APP: variants seen among roughly 807,000 people sequenced by gnomAD.
APP encodes the protein amyloid beta precursor protein.
In APP, 31 loss-of-function variants were observed where a neutral mutation model predicts 101.4. That is an observed-to-expected ratio of 0.31 (90% CI 0.23 to 0.41). APP has a LOEUF of 0.41. APP is among the 10% of genes least tolerant of loss of function. The pLI is 1.00. For missense variants in APP, 839 were observed against 1,003.7 expected, an observed-to-expected ratio of 0.84 and a Z score of 2.22; for synonymous variants, 366 against 364.4, an observed-to-expected ratio of 1.00 and a Z score of -0.05.
At chr21:25,890,212 T>C (rs1486048857) in intron 17 of APP, among the ~76,000 whole-genome samples, 1 of 152,212 alleles carries the variant, frequency 6.6e-6, no homozygotes, top group East Asian at 1.9e-4. Flanking sequence ...ACACTGCTCA[T>C]CCACGTCAGT....
intron 8 of APP, among the ~76,000 whole-genome samples, chr21:25,983,043 T>C (rs2042498715): frequency 6.6e-6 from 1 of 152,248 alleles, no homozygotes; most frequent in Admixed American, 6.5e-5. Context: ...AACACATTTT[T>C]GAATCACAAA....
At position 26,170,647 on chromosome 21, in the gene APP, C is replaced by T; in HGVS notation, c.-27G>A. On this transcript the variant is annotated 5_prime_UTR_variant, in exon 1 of 18. Transcript: ENST00000346798. ...GCGACCCTGCGCGGGGCACCGAGTG[C>T]GCTGCTGTGCGAGTGGGATCCGCCG... 6.5e-7 allele frequency: 1 copy of T among 1,528,342 alleles called. No homozygotes were observed. The highest frequency in any genetic ancestry group is 8.7e-7 in the Non-Finnish European group (1 of 1,142,908). The allele number at this position is 1,528,342 out of a possible 1,614,324, so 94.7% of individuals were successfully genotyped here.
chr21:26,154,088 CA>C (rs1054757199), intron 1 of APP, among the ~76,000 whole-genome samples: 1 of 152,182 alleles, frequency 6.6e-6, no homozygotes, highest in South Asian at 2.1e-4. Flanking sequence ...AACTATTTTA[CA>C]TGCCAGGAAT....
chr21:26,000,185 A>C lies in APP; in HGVS notation c.866-3T>G, dbSNP rs2043232394. The C allele has an allele frequency of 1.9e-6, 3 of 1,614,196 alleles. No individual in the cohort carries two copies. The highest frequency in any genetic ancestry group is 2.5e-6 in the Non-Finnish European group (3 of 1,180,004). On this transcript the variant is annotated splice_region_variant and splice_polypyrimidine_tract_variant and intron_variant, in intron 6 of 17. Transcript: ENST00000346798. ...CTCGGCTTGTTCAGAGCACACCTCTAATCAGAGGAGATGTGGGGAACCACA... is the reference window on the plus strand; with the variant it reads ...CTCGGCTTGTTCAGAGCACACCTCTCATCAGAGGAGATGTGGGGAACCACA...
intron 6 of APP, among the ~76,000 whole-genome samples, chr21:26,012,975 CAACAAAACAAAACAAAACAAAACAA>C (rs146168082): frequency 4.1e-5 from 6 of 147,714 alleles, no homozygotes; most frequent in East Asian, 2.0e-4. Context: ...GACTCCATGT[CAACAAAACAAAACAAAACAAAACAA>C]AACAAAACAA....
At chr21:25,897,072 C>T (rs1006404670) in intron 16 of APP, among the ~76,000 whole-genome samples, 2 of 152,226 alleles carry the variant, frequency 1.3e-5, no homozygotes, top group South Asian at 4.1e-4. Flanking sequence ...AGTCCCGAGT[C>T]ATGCACGAAC....
rs544242846 is a variant in APP, at chr21:25,890,710, G to A, written c.2211+1012C>T. 8.4e-4 allele frequency among the ~76,000 whole-genome samples: 106 copies of A among 125,936 alleles called. 5 individuals are homozygous for A. The South Asian group carries it at 0.016, about 19-fold the overall frequency. 82.6% of individuals were successfully genotyped at this position (125,936 alleles called of 152,430 possible). Reference sequence around the variant, plus strand: ...GCCAAGATCCAGCCTGGGCAACAGCGCGAGACTGTCTCAAAAAAAAAAAAA... The same window carrying A: ...GCCAAGATCCAGCCTGGGCAACAGCACGAGACTGTCTCAAAAAAAAAAAAA... On this transcript the variant is annotated intron_variant, in intron 17 of 17. Coordinates refer to ENST00000346798, the MANE Select transcript of APP (RefSeq NM_000484.4).
At chr21:25,906,793 A>G (rs1038131519) in intron 14 of APP, among the ~76,000 whole-genome samples, 2 of 152,238 alleles carry the variant, frequency 1.3e-5, no homozygotes, top group African/African-American at 2.4e-5. Flanking sequence ...TAGTGCTTCA[A>G]CTGCAGTTAA....
chr21:26,084,871 T>C lies in APP; in HGVS notation c.355+5072A>G, dbSNP rs147779612. On this transcript the variant is annotated intron_variant, in intron 3 of 17. Transcript: ENST00000346798. The stretch of plus-strand genomic sequence containing the variant: ...TACTGTATGTATAAAGCTCATAAAG[T>C]ACAACTACCAAGAGATAAAACAAAT... 9.7e-4 allele frequency among the ~76,000 whole-genome samples: 148 copies of C among 152,338 alleles called. 1 individual carries two copies. Among genetic ancestry groups the C allele is most frequent in the Middle Eastern group, 3.4e-3 (1 of 294 alleles).
At chr21:26,066,695 T>C (rs886973484) in intron 3 of APP, among the ~76,000 whole-genome samples, 4 of 152,096 alleles carry the variant, frequency 2.6e-5, no homozygotes, top group Admixed American at 2.0e-4. Flanking sequence ...TCTCATCCTA[T>C]AGATTTGTCA....
At chr21:26,049,346 C>A (rs1043619904) in intron 5 of APP, among the ~76,000 whole-genome samples, 18 of 152,172 alleles carry the variant, frequency 1.2e-4, no homozygotes, top group Non-Finnish European at 2.4e-4. Flanking sequence ...CAAACACGTA[C>A]TGGGCACCTA....
At chr21:25,946,112 C>A in intron 13 of APP, 1 of 295,330 alleles carries the variant, frequency 3.4e-6, no homozygotes, top group Non-Finnish European at 6.7e-6. Context: ...AGAGCTAAAA[C>A]TACAAAACTC....
intron 3 of APP, among the ~76,000 whole-genome samples, chr21:26,077,939 A>C (rs731524): frequency 1.3e-5 from 2 of 152,184 alleles, no homozygotes; most frequent in Non-Finnish European, 2.9e-5. Context: ...CACTGAAACA[A>C]ATATTGAGAA....
chr21:26,002,946 A>C (rs1236288316), intron 6 of APP, among the ~76,000 whole-genome samples: 1 of 152,212 alleles, frequency 6.6e-6, no homozygotes. Context: ...AATGGGATAA[A>C]AGAATGATGA....
At chr21:26,091,216 T>C (rs1568962606) in intron 2 of APP, among the ~76,000 whole-genome samples, 3 of 152,136 alleles carry the variant, frequency 2.0e-5, no homozygotes, top group African/African-American at 7.2e-5. Context: ...CAATCTCAAG[T>C]GGCAAAAGTG....
intron 3 of APP, among the ~76,000 whole-genome samples, chr21:26,073,236 G>C (rs954769339): frequency 1.3e-5 from 2 of 151,950 alleles, no homozygotes; most frequent in Non-Finnish European, 1.5e-5. Flanking sequence ...GCAATATTTG[G>C]AATTTCTGAA....
At chr21:25,985,418 T>C (rs534153404) in intron 8 of APP, among the ~76,000 whole-genome samples, 2 of 152,178 alleles carry the variant, frequency 1.3e-5, no homozygotes, top group Non-Finnish European at 2.9e-5. Context: ...CCCGATCTGC[T>C]GAGGGTCTGA....
chr21:26,059,875 A>G (rs1297223607), intron 3 of APP, among the ~76,000 whole-genome samples: 1 of 137,142 alleles, frequency 7.3e-6, no homozygotes, highest in Non-Finnish European at 1.5e-5. Flanking sequence ...TGAGCGAAAG[A>G]GCGAGACTCC....
chr21:26,126,159 A>C (rs1461012269), intron 1 of APP, among the ~76,000 whole-genome samples: 1 of 152,272 alleles, frequency 6.6e-6, no homozygotes, highest in Non-Finnish European at 1.5e-5. Context: ...AAATAAACTA[A>C]GAGAAGAACA....
Sources: allele counts gnomAD v4.1 joint callset (sites outside exome capture counted in the v4.1 genomes callset), GRCh38; gene constraint gnomAD v4.1.1; transcripts MANE v1.5; gene names NCBI Gene and HGNC (gene_info 2026-07-23, HGNC 2026-07-21).